Variants in CAPN14 observed in about 807,000 individuals in gnomAD.
CAPN14 encodes the protein calpain 14.
A neutral mutation model predicts 101.3 loss-of-function variants in CAPN14; 94 were observed. That is an observed-to-expected ratio of 0.93 (90% confidence interval 0.79 to 1.10). The LOEUF (loss-of-function observed/expected upper bound fraction) is 1.10. Among genes scored for constraint, CAPN14 ranks in the 50% least tolerant of loss-of-function variants. CAPN14 has a pLI of 0.00. For synonymous variants in CAPN14, 338 were observed against 317.9 expected (o/e 1.06, Z -0.67); for missense variants, 837 against 828.4 (o/e 1.01, Z -0.13).
intron 6 of CAPN14, 63 bp from the exon 7 acceptor site, chr2:31,199,595 G>A: frequency 7.2e-7 from 1 of 1,387,228 alleles, no homozygotes; most frequent in South Asian, 1.3e-5. Flanking sequence ...TTTGAGTCGT[G>A]GGAAGGCTGT....
intron 1 of CAPN14, among the ~76,000 whole-genome samples, chr2:31,212,360 T>C (rs1160570932): frequency 6.6e-6 from 1 of 151,744 alleles, no homozygotes; most frequent in Non-Finnish European, 1.5e-5. Flanking sequence ...ATGTTTATTA[T>C]ATATAATCAT....
intron 12 of CAPN14, 34 bp from the exon 13 acceptor site, chr2:31,189,512 G>A: frequency 6.6e-7 from 1 of 1,521,284 alleles, no homozygotes. Flanking sequence ...AGCAAGGGAG[G>A]TGATGACCCA....
intron 1 of CAPN14, among the ~76,000 whole-genome samples, chr2:31,231,744 C>G (rs920877026): frequency 6.6e-6 from 1 of 152,188 alleles, no homozygotes; most frequent in African/African-American, 2.4e-5. Context: ...TCCTGTCACG[C>G]TGGCCATACT....
intron 16 of CAPN14, among the ~76,000 whole-genome samples, chr2:31,184,902 T>A (rs1355631118): frequency 6.6e-6 from 1 of 152,220 alleles, no homozygotes; most frequent in Admixed American, 6.5e-5. Context: ...AGAGGTCAAC[T>A]AAATTAACCA....
chr2:31,206,032 TTA>T (rs200505995), intron 1 of CAPN14, among the ~76,000 whole-genome samples: 1,371 of 118,792 alleles, frequency 0.012, 58 homozygotes, highest in African/African-American at 0.038. Flanking sequence ...TTTTTTTTAT[TTA>T]TTTATTTTTT....
rs187625934 is a variant in CAPN14, at chr2:31,179,955, T to G, written c.1710+981A>C. Among the ~76,000 whole-genome samples, 21 of 152,348 alleles carry G rather than the reference T, an allele frequency of 1.4e-4. No homozygotes were observed. In the South Asian group the frequency reaches 2.5e-3, roughly 18 times the overall value. On this transcript the variant is annotated intron_variant, in intron 17 of 21. Transcript: ENST00000403897. ...TTAAAAAATAGTAACCTTTTTTCAT[T>G]ATTATTTTAAAAACCAGCTTATGGA...
chr2:31,192,224 A>G, intron 10 of CAPN14, 126 bp from the exon 11 acceptor site: 2 of 1,120,796 alleles, frequency 1.8e-6, no homozygotes, highest in South Asian at 1.8e-5. Context: ...GCCCACTGGG[A>G]CAGAGTCGGG....
upstream of CAPN14, among the ~76,000 whole-genome samples, chr2:31,222,168 C>G (rs886249239): frequency 6.6e-6 from 1 of 152,154 alleles, no homozygotes; most frequent in Non-Finnish European, 1.5e-5. Flanking sequence ...TTTCCTCCTA[C>G]AGTTCCAAGG....
chr2:31,194,518 G>A (rs1294760193), intron 8 of CAPN14, 35 bp from the exon 9 acceptor site: 3 of 1,434,424 alleles, frequency 2.1e-6, no homozygotes, highest in Admixed American at 3.9e-5. Context: ...AGCTTGTGGG[G>A]AGCATGCTAG....
At position 31,173,801 on chromosome 2, in the gene CAPN14, A is replaced by G. The variant is rs1017933297; in HGVS notation, c.*880T>C. ...GGTTTTGCACCTGTATTCTTGGTTG[A>G]GAGGGATGACATAAACAAGGTGTTT... On this transcript the variant is annotated 3_prime_UTR_variant, in exon 22 of 22. Transcript: ENST00000403897. 2 of 152,168 alleles carry G rather than the reference A, an allele frequency of 1.3e-5. No homozygotes were observed. The highest frequency in any genetic ancestry group is 4.8e-5 in the African/African-American group (2 of 41,426). 9.4% of individuals were successfully genotyped at this position (152,168 alleles called of 1,614,324 possible).
intron 1 of CAPN14, among the ~76,000 whole-genome samples, chr2:31,211,362 C>T (rs1465628281): frequency 6.6e-6 from 1 of 151,546 alleles, no homozygotes; most frequent in African/African-American, 2.4e-5. Flanking sequence ...TTTTAAAAAC[C>T]ATAGGAAATA....
At position 31,202,150 on chromosome 2, in the gene CAPN14, C is replaced by T; in HGVS notation, c.398G>A (p.Gly133Asp). Residue 133 changes from glycine to aspartate, a missense_variant, in exon 4 of 22, where the codon GGC (glycine) becomes GAC (aspartate). Coordinates refer to ENST00000403897, the MANE Select transcript of CAPN14 (RefSeq NM_001145122.2). Reference protein sequence around the residue: ...LNQSFTEKYAGIFRFWFWHYG... With the variant: ...LNQSFTEKYADIFRFWFWHYG... The stretch of plus-strand genomic sequence containing the variant: ...GACACTCACCCAGAACCGGAAGATG[C>T]CAGCATACTTCTCAGTGAAACTCTG... 1.3e-6 allele frequency: 2 copies of T among 1,551,804 alleles called. No homozygotes were observed. Among genetic ancestry groups the T allele is most frequent in the South Asian group, 2.4e-5 (2 of 84,060 alleles).
intron 16 of CAPN14, among the ~76,000 whole-genome samples, chr2:31,181,884 G>A (rs901763262): frequency 8.9e-4 from 134 of 151,242 alleles, no homozygotes; most frequent in African/African-American, 3.0e-3. Flanking sequence ...AGTATTCCAT[G>A]GTGTATATGT....
At chr2:31,200,007 TG>T (rs1464848772) in intron 6 of CAPN14, among the ~76,000 whole-genome samples, 1 of 152,140 alleles carries the variant, frequency 6.6e-6, no homozygotes, top group Non-Finnish European at 1.5e-5. Flanking sequence ...CTGGTTTTTT[TG>T]TTTTTGCTTT....
At chr2:31,181,852 T>C (rs1284045610) in intron 16 of CAPN14, among the ~76,000 whole-genome samples, 2 of 151,220 alleles carry the variant, frequency 1.3e-5, no homozygotes, top group Non-Finnish European at 2.9e-5. Flanking sequence ...GGACATGAAC[T>C]CATCCTTTTT....
intron 16 of CAPN14, among the ~76,000 whole-genome samples, chr2:31,185,076 C>T (rs1680837517): frequency 6.6e-6 from 1 of 152,188 alleles, no homozygotes; most frequent in Non-Finnish European, 1.5e-5. Context: ...TTCTGAATTT[C>T]AATTCTGCTA....
At chr2:31,184,410 C>T (rs1050449128) in intron 16 of CAPN14, among the ~76,000 whole-genome samples, 1 of 152,250 alleles carries the variant, frequency 6.6e-6, no homozygotes, top group Admixed American at 6.5e-5. Flanking sequence ...AACTACTCCT[C>T]ACATGCGATG....
At chr2:31,189,195 G>A (rs1681054436) in intron 13 of CAPN14, 78 bp downstream of exon 13, 2 of 1,299,068 alleles carry the variant, frequency 1.5e-6, no homozygotes, top group South Asian at 2.6e-5. Context: ...CCTGGTTTCT[G>A]CCATTTCCAA....
chr2:31,225,115 AC>A (rs1245228615), intron 2 of CAPN14, among the ~76,000 whole-genome samples: 1 of 152,112 alleles, frequency 6.6e-6, no homozygotes, highest in Non-Finnish European at 1.5e-5. Flanking sequence ...CTCTTTCAAA[AC>A]AATACGAAAA....
Sources: gnomAD v4.1 joint callset for allele counts (sites outside exome capture counted in the v4.1 genomes callset) on GRCh38, gnomAD v4.1.1 for gene constraint, MANE v1.5 for transcripts, NCBI Gene and HGNC (gene_info 2026-07-23, HGNC 2026-07-21) for gene names.